Variants in KLHDC10 observed in about 807,000 individuals in gnomAD.
The protein encoded by KLHDC10 is kelch domain containing 10, also known as kelch domain-containing protein 10.
Under a neutral mutation model 56.1 loss-of-function variants are expected in KLHDC10, and 24 were observed. The observed-to-expected ratio is 0.43, with a 90% CI of 0.31 to 0.60. The LOEUF (loss-of-function observed/expected upper bound fraction) is 0.60. Among genes scored for constraint, KLHDC10 ranks in the 20% least tolerant of loss-of-function variants. The probability of loss-of-function intolerance (pLI) is 0.11; values close to 1 mark genes in which losing one functional copy is unlikely to be tolerated. For missense variants in KLHDC10, 349 were observed against 567.0 expected (o/e 0.62, Z 3.91); for synonymous variants, 188 against 207.1 (o/e 0.91, Z 0.79).
rs1405437913 is a variant in KLHDC10, at chr7:130,108,572, A to AAAAAAAAAAAT, written c.254-7872_254-7871insAAAAAAAAATA. Among the ~76,000 whole-genome samples the AAAAAAAAAAAT allele has an allele frequency of 8.4e-3, 1,204 of 143,950 alleles. 26 individuals are homozygous for AAAAAAAAAAAT. Among genetic ancestry groups the AAAAAAAAAAAT allele is most frequent in the African/African-American group, 0.03 (1,129 of 38,110 alleles). The allele number at this position is 143,950 out of a possible 152,430, so 94.4% of individuals were successfully genotyped here. Reference sequence around the variant, plus strand: ...CCAAATATCCAAAAAAAAAAAAAAAAAGCTGGGCGTGGTGGTGCGCGCCTG... The same window carrying AAAAAAAAAAAT: ...CCAAATATCCAAAAAAAAAAAAAAAAAAAAAAAAAATAGCTGGGCGTGGTGGTGCGCGCCTG... On this transcript the variant is annotated intron_variant, in intron 2 of 9. Coordinates refer to ENST00000335420, the MANE Select transcript of KLHDC10 (RefSeq NM_014997.4).
intron 8 of KLHDC10, among the ~76,000 whole-genome samples, chr7:130,127,740 T>C (rs1473172099): frequency 2.0e-5 from 3 of 152,202 alleles, no homozygotes; most frequent in African/African-American, 7.2e-5. Flanking sequence ...CAGATGTCTG[T>C]GGTTATGGTG....
At chr7:130,091,067 G>A (rs1795765918) in intron 1 of KLHDC10, among the ~76,000 whole-genome samples, 1 of 151,906 alleles carries the variant, frequency 6.6e-6, no homozygotes, top group Admixed American at 6.6e-5. Flanking sequence ...TTTACCACAG[G>A]TTTAACCATT....
chr7:130,105,152 C>T (rs993773710), intron 2 of KLHDC10, among the ~76,000 whole-genome samples: 1 of 152,154 alleles, frequency 6.6e-6, no homozygotes, highest in South Asian at 2.1e-4. Context: ...ACATGCTGCC[C>T]TTGGATATGT....
intron 2 of KLHDC10, among the ~76,000 whole-genome samples, chr7:130,099,877 G>A (rs898468293): frequency 2.6e-5 from 4 of 152,088 alleles, no homozygotes; most frequent in Admixed American, 6.6e-5. Context: ...AATAGGGGCC[G>A]GGCATGGTGG....
chr7:130,096,158 A>G (rs1231811117), intron 1 of KLHDC10, among the ~76,000 whole-genome samples: 1 of 152,176 alleles, frequency 6.6e-6, no homozygotes, highest in Non-Finnish European at 1.5e-5. Flanking sequence ...GTAAACCCTA[A>G]ACATTATGCA....
At chr7:130,128,866 C>A (rs1796347909) in intron 8 of KLHDC10, among the ~76,000 whole-genome samples, 3 of 67,674 alleles carry the variant, frequency 4.4e-5, no homozygotes, top group Admixed American at 1.8e-4. Flanking sequence ...ATAGTGAGAC[C>A]TTGTCTCTTA....
At position 130,089,902 on chromosome 7, in the gene KLHDC10, A is replaced by G. The variant is rs527889718; in HGVS notation, c.167-7019A>G. ...TAGTTTTCATTTTTTTTTTTTTGAG[A>G]TGGAGTTTCGCTCTTGTTGCCCAGG... On this transcript the variant is annotated intron_variant, in intron 1 of 9. Transcript: ENST00000335420. Among the ~76,000 whole-genome samples, 790 of 149,030 alleles carry G rather than the reference A, an allele frequency of 5.3e-3. 5 individuals carry two copies. The highest frequency in any genetic ancestry group is 7.2e-3 in the Non-Finnish European group (483 of 67,452).
intron 1 of KLHDC10, among the ~76,000 whole-genome samples, chr7:130,077,851 G>C (rs1427018937): frequency 6.6e-6 from 1 of 151,606 alleles, no homozygotes. Flanking sequence ...CACCGCGCCC[G>C]GCCGGGGTTT....
chr7:130,118,874 C>T (rs924931153), intron 3 of KLHDC10, among the ~76,000 whole-genome samples: 3 of 152,024 alleles, frequency 2.0e-5, no homozygotes, highest in Non-Finnish European at 2.9e-5. Context: ...TTTATATGGG[C>T]GTGGTTCATG....
rs1796240257 is a variant in KLHDC10 at position 130,120,939 on chromosome 7, A to C, written c.630+36A>C. 3.1e-6 allele frequency: 5 copies of C among 1,594,266 alleles called. No individual in the cohort carries two copies. The highest frequency in any genetic ancestry group is 4.3e-6 in the Non-Finnish European group (5 of 1,167,050). On this transcript the variant is annotated intron_variant, in intron 4 of 9. Transcript: ENST00000335420. This position sits in a 1 kb window ranked among gnomAD's most constrained non-coding sequence, Gnocchi z 5.1. ...GTGGCCAGTCATGGTGTATTTGTTC[A>C]TATTTTTCTAGTCTGGGGATGGTGT...
chr7:130,085,009 T>A (rs941610766), intron 1 of KLHDC10, among the ~76,000 whole-genome samples: 9 of 152,068 alleles, frequency 5.9e-5, no homozygotes, highest in Non-Finnish European at 1.2e-4. Context: ...TCACAATGTT[T>A]TTTGGAATTA....
chr7:130,125,368 C>A (rs1171821651), intron 6 of KLHDC10, among the ~76,000 whole-genome samples: 1 of 151,964 alleles, frequency 6.6e-6, no homozygotes, highest in Non-Finnish European at 1.5e-5. Context: ...ATAGTGAAAC[C>A]CCATCTCTAT....
intron 5 of KLHDC10, among the ~76,000 whole-genome samples, chr7:130,123,006 T>C (rs1301090841): frequency 6.9e-6 from 1 of 145,604 alleles, no homozygotes; most frequent in African/African-American, 2.6e-5. Flanking sequence ...TGATGAATGA[T>C]AGATGGATGT....
intron 2 of KLHDC10, among the ~76,000 whole-genome samples, chr7:130,101,011 C>CA (rs571614786): frequency 3.1e-4 from 30 of 97,758 alleles, no homozygotes; most frequent in Admixed American, 5.4e-4. Flanking sequence ...AAAAAAAAAA[C>CA]AAAAAAAACA....
intron 2 of KLHDC10, among the ~76,000 whole-genome samples, chr7:130,112,517 A>T (rs1796115330): frequency 6.6e-6 from 1 of 152,206 alleles, no homozygotes; most frequent in South Asian, 2.1e-4. Context: ...TTTTTAGGAA[A>T]ATGGGATTTG....
rs548292890 is a variant in KLHDC10, at chr7:130,134,409, A to C, written c.*3663A>C. The C allele has an allele frequency of 6.6e-6, 1 of 152,344 alleles. No individual in the cohort carries two copies. Among genetic ancestry groups the C allele is most frequent in the South Asian group, 2.1e-4 (1 of 4,824 alleles). The allele number at this position is 152,344 out of a possible 1,614,324, so 9.4% of individuals were successfully genotyped here. ...GCCCTGAGCTCCAGGCCATCTCTCT[A>C]ACCACCAAAGAACTCTTAGTACCTA... On this transcript the variant is annotated 3_prime_UTR_variant, in exon 10 of 10. Coordinates refer to ENST00000335420, the MANE Select transcript of KLHDC10 (RefSeq NM_014997.4).
chr7:130,072,747 A>AATTT (rs77300024), intron 1 of KLHDC10, among the ~76,000 whole-genome samples: 23,664 of 148,400 alleles, frequency 0.16, 2,227 homozygotes, highest in East Asian at 0.42. Flanking sequence ...TTTTATTTTA[A>AATTT]ATTTATTTAT....
In KLHDC10 at chr7:130,115,381, TG is replaced by T. The variant is rs1313067890; in HGVS notation, c.254-1063del. Among the ~76,000 whole-genome samples the T allele has an allele frequency of 3.3e-5, 5 of 152,268 alleles. No homozygotes were observed. The East Asian group carries it at 5.8e-4, about 18-fold the overall frequency. On this transcript the variant is annotated intron_variant, in intron 2 of 9. Transcript: ENST00000335420. Reference sequence around the variant, plus strand: ...AACTACAATAAAGTTTTTTGTTTTTTGTTTTTTTTTACTCTAAAATAACCTT... The same window carrying T: ...AACTACAATAAAGTTTTTTGTTTTTTTTTTTTTTTACTCTAAAATAACCTT...
At chr7:130,086,147 T>C (rs1172952748) in intron 1 of KLHDC10, among the ~76,000 whole-genome samples, 3 of 152,298 alleles carry the variant, frequency 2.0e-5, no homozygotes, top group African/African-American at 7.2e-5. Flanking sequence ...AGTCCTTGTC[T>C]TCCTCCTACT....
Sources: allele counts gnomAD v4.1 joint callset (sites outside exome capture counted in the v4.1 genomes callset), GRCh38; gene constraint gnomAD v4.1.1; non-coding constraint Gnocchi (gnomAD v3.1); transcripts MANE v1.5; gene names NCBI Gene and HGNC (gene_info 2026-07-23, HGNC 2026-07-21).